RTF1: variants seen among roughly 807,000 people sequenced by gnomAD.
RTF1 encodes the protein RTF1 homolog, Paf1/RNA polymerase II complex component, also known as RNA polymerase-associated protein RTF1 homolog.
In RTF1, 10 loss-of-function variants were observed where a neutral mutation model predicts 95.7. The observed-to-expected ratio is 0.10, with a 90% CI of 0.06 to 0.18. The LOEUF (loss-of-function observed/expected upper bound fraction) is 0.18. Among genes scored for constraint, RTF1 ranks in the 10% least tolerant of loss-of-function variants. RTF1 has a pLI of 1.00. For synonymous variants in RTF1, 305 were observed against 311.8 expected, an observed-to-expected ratio of 0.98 and a Z score of 0.23; for missense variants, 458 against 875.6, an observed-to-expected ratio of 0.52 and a Z score of 6.02.
At chr15:41,426,357 G>A (rs1445704707) in intron 1 of RTF1, among the ~76,000 whole-genome samples, 1 of 151,330 alleles carries the variant, frequency 6.6e-6, no homozygotes, top group Non-Finnish European at 1.5e-5. Context: ...CCAGGGTGGA[G>A]TGCAGTGGCA....
chr15:41,470,880 G>T (rs149292089), intron 7 of RTF1, among the ~76,000 whole-genome samples: 1 of 151,756 alleles, frequency 6.6e-6, no homozygotes, highest in Admixed American at 6.6e-5. Context: ...GGATGGTCTC[G>T]ATCTCCTGAC....
intron 1 of RTF1, among the ~76,000 whole-genome samples, chr15:41,429,236 A>G (rs143959938): frequency 9.2e-5 from 14 of 152,268 alleles, no homozygotes; most frequent in African/African-American, 3.4e-4. Context: ...CAGTTTTGCT[A>G]TGAAAGGGAC....
chr15:41,435,155 T>A (rs1486805979), intron 1 of RTF1, among the ~76,000 whole-genome samples: 1 of 152,076 alleles, frequency 6.6e-6, no homozygotes, highest in Non-Finnish European at 1.5e-5. Context: ...TTTGTTATAA[T>A]CAATTGGTAT....
intron 6 of RTF1, among the ~76,000 whole-genome samples, chr15:41,468,597 G>A (rs781050855): frequency 2.6e-5 from 4 of 152,140 alleles, no homozygotes; most frequent in Admixed American, 1.3e-4. Flanking sequence ...GATTACAGGT[G>A]TGAGCCACCG....
chr15:41,444,146 C>G (rs1235931374), intron 2 of RTF1, among the ~76,000 whole-genome samples: 1 of 151,844 alleles, frequency 6.6e-6, no homozygotes, highest in African/African-American at 2.4e-5. Flanking sequence ...TGGTGTGCAT[C>G]TGTTACCCCA....
At chr15:41,456,902 G>A (rs1057132298) in intron 3 of RTF1, among the ~76,000 whole-genome samples, 3 of 151,896 alleles carry the variant, frequency 2.0e-5, no homozygotes, top group Non-Finnish European at 4.4e-5. Context: ...TGGCCAACAC[G>A]GTGAAACCCC....
chr15:41,451,837 A>G (rs556613571), intron 2 of RTF1, among the ~76,000 whole-genome samples: 1 of 152,168 alleles, frequency 6.6e-6, no homozygotes, highest in African/African-American at 2.4e-5. Flanking sequence ...TCTCTGCCAC[A>G]TAAAACATCA....
At chr15:41,429,299 C>T (rs773478083) in intron 1 of RTF1, among the ~76,000 whole-genome samples, 2 of 152,284 alleles carry the variant, frequency 1.3e-5, no homozygotes, top group African/African-American at 2.4e-5. Flanking sequence ...CTTTTTTCCT[C>T]GTCATCTCGT....
chr15:41,470,352 G>C lies in RTF1; in HGVS notation c.985G>C (p.Asp329His). ...EEDDKSSEKS[D>H]RSSRTSSSDE... Reference sequence around the variant, plus strand: ...GGATGACAAATCCAGTGAAAAGTCAGACCGCTCATCACGAACATCATCGTC... The same window carrying C: ...GGATGACAAATCCAGTGAAAAGTCACACCGCTCATCACGAACATCATCGTC... The change falls in exon 7 of 18, where the codon GAC (aspartate) becomes CAC (histidine). Residue 329 changes from aspartate (D) to histidine (H), a missense_variant. Asp to His is a moderately conservative substitution (Grantham distance 81, BLOSUM62 -1). Around this residue, in one of 11 missense-constraint regions of RTF1, gnomAD observed 150 missense variants for 275.7 expected, o/e 0.54. Transcript: ENST00000389629. 1.2e-6 allele frequency: 2 copies of C among 1,614,100 alleles called. No homozygotes were observed. Among genetic ancestry groups the C allele is most frequent in the Non-Finnish European group, 1.7e-6 (2 of 1,179,976 alleles).
rs537833157 is a variant in RTF1 at position 41,481,612 on chromosome 15, T to C, written c.*925T>C. 1 of 152,600 alleles carries C rather than the reference T, an allele frequency of 6.6e-6. No individual in the cohort carries two copies. The highest frequency in any genetic ancestry group is 2.4e-5 in the African/African-American group (1 of 41,576). The allele number at this position is 152,600 out of a possible 1,614,324, so 9.5% of individuals were successfully genotyped here. ...GCCAGGTACCAGGGAGGGCAGTGAA[T>C]GTCTTGCTCTTCCCATGGGTACAGC... On this transcript the variant is annotated 3_prime_UTR_variant, in exon 18 of 18. Coordinates refer to ENST00000389629, the MANE Select transcript of RTF1 (RefSeq NM_015138.5).
At chr15:41,471,701 C>T (rs1345542203) in intron 8 of RTF1, among the ~76,000 whole-genome samples, 1 of 151,884 alleles carries the variant, frequency 6.6e-6, no homozygotes, top group Non-Finnish European at 1.5e-5. Context: ...TTTCATGTTG[C>T]ATACCAAGTG....
Position 41,474,720 on chromosome 15 carries a change from G to A in RTF1, c.1286+18G>A. 1.3e-6 allele frequency: 2 copies of A among 1,584,676 alleles called. No individual in the cohort carries two copies. Among genetic ancestry groups the A allele is most frequent in the East Asian group, 2.2e-5 (1 of 44,770 alleles). On this transcript the variant is annotated intron_variant, in intron 9 of 17. Coordinates refer to ENST00000389629, the MANE Select transcript of RTF1 (RefSeq NM_015138.5). Reference sequence around the variant, plus strand: ...CAACTACGGTAGGAGGCACTTCTGGGGTAGCTTCTGCTTCCACTTCAAACA... The same window carrying A: ...CAACTACGGTAGGAGGCACTTCTGGAGTAGCTTCTGCTTCCACTTCAAACA...
intron 6 of RTF1, among the ~76,000 whole-genome samples, chr15:41,466,807 A>G (rs1029738448): frequency 1.3e-5 from 2 of 152,130 alleles, no homozygotes; most frequent in Admixed American, 6.5e-5. Flanking sequence ...TTGCAGCGTT[A>G]TTTGCTGAAG....
At chr15:41,468,108 GT>G (rs952472151) in intron 6 of RTF1, among the ~76,000 whole-genome samples, 3 of 152,116 alleles carry the variant, frequency 2.0e-5, no homozygotes, top group Admixed American at 2.0e-4. Flanking sequence ...GGAGGTTGCA[GT>G]GAGCCAAGAT....
intron 3 of RTF1, 81 bp downstream of exon 3, chr15:41,453,129 G>T: frequency 8.1e-7 from 1 of 1,232,644 alleles, no homozygotes; most frequent in South Asian, 1.9e-5. Flanking sequence ...TGGGGAGGAA[G>T]GGGGGTACTT....
intron 1 of RTF1, among the ~76,000 whole-genome samples, chr15:41,433,609 C>T (rs1255261482): frequency 6.6e-6 from 1 of 152,094 alleles, no homozygotes; most frequent in Non-Finnish European, 1.5e-5. Flanking sequence ...ACGTGAGCCA[C>T]TGCACCCAGC....
Position 41,417,276 on chromosome 15 carries a change from A to G in RTF1, c.161A>G (p.Asp54Gly). 1 of 1,249,118 alleles carries G rather than the reference A, an allele frequency of 8.0e-7. No homozygotes were observed. Among genetic ancestry groups the G allele is most frequent in the Non-Finnish European group, 1.0e-6 (1 of 988,904 alleles). 77.4% of individuals were successfully genotyped at this position (1,249,118 alleles called of 1,614,324 possible). ...AAAGGCCGCGTCGTGATCGACTCGG[A>G]CACAGAGGACAGCGGCAGCGACGAG... ...KRKGRVVIDS[D>G]TEDSGSDENL... The change falls in exon 1 of 18, where the codon GAC becomes GGC. Residue 54 changes from aspartate (D) to glycine (G), a missense_variant. Asp to Gly is a moderately conservative substitution (Grantham distance 94). Transcript: ENST00000389629.
chr15:41,456,891 C>T (rs980702104), intron 3 of RTF1, among the ~76,000 whole-genome samples: 2 of 151,904 alleles, frequency 1.3e-5, no homozygotes, highest in African/African-American at 4.8e-5. Flanking sequence ...CGAGACCATC[C>T]TGGCCAACAC....
intron 3 of RTF1, 105 bp downstream of exon 3, chr15:41,453,153 C>A: frequency 1.1e-6 from 1 of 904,038 alleles, no homozygotes; most frequent in Non-Finnish European, 1.6e-6. Context: ...TTCAGCATGA[C>A]CTCTTCTTTA....
Sources: gnomAD v4.1 joint callset for allele counts (sites outside exome capture counted in the v4.1 genomes callset) on GRCh38, gnomAD v4.1.1 for gene constraint, gnomAD v4.1.1 regional missense constraint, MANE v1.5 for transcripts, NCBI Gene and HGNC (gene_info 2026-07-23, HGNC 2026-07-21) for gene names.